RBFOX1: variants seen among roughly 807,000 people sequenced by gnomAD.
RBFOX1 encodes RNA binding protein fox-1 homolog 1.
Under a neutral mutation model 57.7 loss-of-function variants are expected in RBFOX1, and 8 were observed. The ratio of observed to expected loss-of-function variants is 0.14; its 90% CI spans 0.08 to 0.25. The LOEUF (loss-of-function observed/expected upper bound fraction) is 0.25, where lower values mean the gene tolerates loss of function less well. Ranked by LOEUF, RBFOX1 falls within the 10% of genes least tolerant of loss-of-function variation. RBFOX1 has a pLI of 1.00. For missense variants in RBFOX1, 611 were observed against 548.5 expected (o/e 1.11, Z -1.14); for synonymous variants, 326 against 222.4 (o/e 1.47, Z -4.15).
intron 3 of RBFOX1, among the ~76,000 whole-genome samples, chr16:5,757,348 C>T (rs1254295229): frequency 6.6e-6 from 1 of 151,328 alleles, no homozygotes; most frequent in African/African-American, 2.4e-5. Context: ...TCTCCTGCCT[C>T]AGCCTCCCGA....
At chr16:7,234,585 C>A (rs1423705914) in intron 4 of RBFOX1, among the ~76,000 whole-genome samples, 1 of 97,200 alleles carries the variant, frequency 1.0e-5, no homozygotes, top group African/African-American at 5.3e-5. Flanking sequence ...CATGTGTATA[C>A]ATATGTGTGT....
chr16:6,707,912 G>A (rs1455759171), intron 3 of RBFOX1, among the ~76,000 whole-genome samples: 1 of 152,182 alleles, frequency 6.6e-6, no homozygotes, highest in Non-Finnish European at 1.5e-5. Context: ...GGACTTAGGG[G>A]AAGATTCAGG....
At chr16:5,742,566 G>C (rs1346100787) in intron 3 of RBFOX1, among the ~76,000 whole-genome samples, 1 of 152,120 alleles carries the variant, frequency 6.6e-6, no homozygotes, top group Admixed American at 6.5e-5. Flanking sequence ...AGAACGTCTG[G>C]CACATAGTAG....
At chr16:5,724,634 G>C (rs1437197545) in intron 3 of RBFOX1, among the ~76,000 whole-genome samples, 1 of 152,110 alleles carries the variant, frequency 6.6e-6, no homozygotes, top group Non-Finnish European at 1.5e-5. Context: ...AATCCTATCA[G>C]CATTGTCACT....
intron 4 of RBFOX1, among the ~76,000 whole-genome samples, chr16:7,501,123 T>C (rs1473593600): frequency 5.9e-5 from 9 of 152,230 alleles, no homozygotes; most frequent in Non-Finnish European, 1.3e-4. Context: ...TGTCTTTACT[T>C]GCAGTGTGAG....
intron 1 of RBFOX1, among the ~76,000 whole-genome samples, chr16:5,454,544 G>T (rs941813438): frequency 6.6e-6 from 1 of 152,164 alleles, no homozygotes; most frequent in African/African-American, 2.4e-5. Flanking sequence ...TATCCAATCA[G>T]TTGAAGGCCT....
intron 2 of RBFOX1, among the ~76,000 whole-genome samples, chr16:6,535,640 C>T (rs1041455380): frequency 1.3e-5 from 2 of 152,176 alleles, no homozygotes; most frequent in African/African-American, 4.8e-5. Flanking sequence ...CATCCATCAA[C>T]CGTTGCTCCA....
chr16:7,126,708 T>G (rs28695448), intron 4 of RBFOX1: 68,022 of 151,654 alleles, frequency 0.45, 16,974 homozygotes, highest in African/African-American at 0.68. Context: ...ATAATATTCG[T>G]CTGGGTACAT....
intron 2 of RBFOX1, among the ~76,000 whole-genome samples, chr16:6,567,157 C>T (rs983642816): frequency 6.6e-6 from 1 of 152,074 alleles, no homozygotes; most frequent in Non-Finnish European, 1.5e-5. Context: ...TAATGTTGAC[C>T]CAGTCTTGGC....
At chr16:6,520,325 A>G (rs549561005) in intron 2 of RBFOX1, among the ~76,000 whole-genome samples, 1 of 152,338 alleles carries the variant, frequency 6.6e-6, no homozygotes, top group South Asian at 2.1e-4. Flanking sequence ...ATAGAACTAC[A>G]AAATCCTTGT....
chr16:6,888,152 C>T (rs1213360655), intron 3 of RBFOX1, among the ~76,000 whole-genome samples: 1 of 152,084 alleles, frequency 6.6e-6, no homozygotes, highest in Non-Finnish European at 1.5e-5. Context: ...GATTTAAGAA[C>T]AGTAGGCAGT....
In RBFOX1 at chr16:6,823,092, A is replaced by T. The variant is rs373530533; in HGVS notation, c.-16+168442A>T. Among the ~76,000 whole-genome samples, 585 of 152,142 alleles carry T rather than the reference A, an allele frequency of 3.8e-3. 7 individuals are homozygous for T. The highest frequency in any genetic ancestry group is 0.014 in the African/African-American group (568 of 41,496). On this transcript the variant is annotated intron_variant, in intron 3 of 15. Transcript: ENST00000550418. ...ATTATTTCCATTTTACAGATGGGAG[A>T]CTGAGCATCAGAGGGTCATAGCCAT...
At chr16:6,043,632 C>A (rs2095465685) in intron 1 of RBFOX1, among the ~76,000 whole-genome samples, 1 of 152,148 alleles carries the variant, frequency 6.6e-6, no homozygotes, top group Non-Finnish European at 1.5e-5. Flanking sequence ...TTCAGGTTTC[C>A]CTTGGCCCAG....
chr16:7,014,597 C>G (rs1049513831), intron 3 of RBFOX1, among the ~76,000 whole-genome samples: 1 of 151,966 alleles, frequency 6.6e-6, no homozygotes, highest in Admixed American at 6.6e-5. Context: ...AAGGGGATAA[C>G]TGTCTTTGCA....
intron 1 of RBFOX1, among the ~76,000 whole-genome samples, chr16:6,265,581 C>A (rs2074379716): frequency 6.6e-6 from 1 of 152,162 alleles, no homozygotes; most frequent in South Asian, 2.1e-4. Flanking sequence ...TTTTGCATAG[C>A]TTACAACATT....
At position 6,794,661 on chromosome 16, in the gene RBFOX1, C is replaced by A. The variant is rs538678715; in HGVS notation, c.-16+140011C>A. On this transcript the variant is annotated intron_variant, in intron 3 of 15. Transcript: ENST00000550418. ...GCGGGTGAGAGAAACCAAACCCTTC[C>A]CCCCATCACTTATGGTTCCAATGTA... Among the ~76,000 whole-genome samples, 36 of 152,216 alleles carry A rather than the reference C, an allele frequency of 2.4e-4. No individual in the cohort carries two copies. The South Asian group carries it at 7.3e-3, about 31-fold the overall frequency.
At chr16:6,870,719 A>G (rs1456863144) in intron 3 of RBFOX1, among the ~76,000 whole-genome samples, 2 of 152,188 alleles carry the variant, frequency 1.3e-5, no homozygotes, top group South Asian at 2.1e-4. Context: ...GTAATGTTGA[A>G]TAATTATTTC....
intron 4 of RBFOX1, among the ~76,000 whole-genome samples, chr16:5,945,834 C>G (rs1438761837): frequency 6.6e-6 from 1 of 152,170 alleles, no homozygotes; most frequent in East Asian, 1.9e-4. Context: ...TCCTTCCTCC[C>G]TAGTGTGTGA....
chr16:6,978,824 A>C (rs1442493610), intron 3 of RBFOX1, among the ~76,000 whole-genome samples: 3 of 152,192 alleles, frequency 2.0e-5, no homozygotes. Flanking sequence ...ATATCGGGTA[A>C]CAAATGCCTT....
Sources: gnomAD v4.1 joint callset for allele counts (sites outside exome capture counted in the v4.1 genomes callset) on GRCh38, gnomAD v4.1.1 for gene constraint, MANE v1.5 for transcripts, NCBI Gene and HGNC (gene_info 2026-07-23, HGNC 2026-07-21) for gene names.